The following STARD3 variants were observed in gnomAD, a reference collection of about 807,000 sequenced individuals.
STARD3 encodes StAR related lipid transfer domain containing 3.
Under a neutral mutation model 62.0 loss-of-function variants are expected in STARD3, and 39 were observed. The observed-to-expected ratio is 0.63, with a 90% CI of 0.49 to 0.82. The LOEUF is 0.82. STARD3 is among the 40% of genes least tolerant of loss of function. The pLI, the probability that STARD3 is intolerant of heterozygous loss-of-function variation, is 0.00. For synonymous variants in STARD3, 229 were observed against 242.4 expected (o/e 0.94, Z 0.51); for missense variants, 543 against 584.5 (o/e 0.93, Z 0.73).
intron 5 of STARD3, 168 bp downstream of exon 5, chr17:39,658,194 C>G (rs1029026298): frequency 1.1e-6 from 1 of 894,244 alleles, no homozygotes; most frequent in Admixed American, 2.1e-5. Flanking sequence ...ACCCGCTTCC[C>G]TGACTTAGCC....
At position 39,653,305 on chromosome 17, in the gene STARD3, C is replaced by T. The variant is rs1262748990; in HGVS notation, c.-51-176C>T. The T allele has an allele frequency of 5.0e-6, 3 of 599,094 alleles. No individual in the cohort carries two copies. The South Asian group carries it at 6.0e-5, about 12-fold the overall frequency. 37.1% of individuals were successfully genotyped at this position (599,094 alleles called of 1,614,324 possible). On this transcript the variant is annotated intron_variant, in intron 1 of 14. Transcript: ENST00000336308. ...GAGGACAGATAATTAGCGGAATGCT[C>T]AACCCTGCAGCCTGGGAGCCAGGCT... is the stretch of plus-strand genomic sequence containing the variant.
At chr17:39,653,021 A>C in intron 1 of STARD3, 1 of 170,912 alleles carries the variant, frequency 5.9e-6, no homozygotes, top group East Asian at 1.7e-4. Flanking sequence ...GTGGGAGGGG[A>C]AGACTGGCTG....
At chr17:39,662,578 G>A in intron 14 of STARD3, 1 of 628,330 alleles carries the variant, frequency 1.6e-6, no homozygotes, top group South Asian at 2.0e-5. Flanking sequence ...GAGGAAGGGT[G>A]GCTGGTGGCC....
In STARD3 at chr17:39,660,921, C is replaced by T. The variant is rs372785102; in HGVS notation, c.1034+32C>T. ...CCATGCCGGGCCCCCTCCTTTCAGC[C>T]AGGTCTTCTGCACTTTGGCCTTGGG... On this transcript the variant is annotated intron_variant, in intron 12 of 14. Coordinates refer to ENST00000336308, the MANE Select transcript of STARD3 (RefSeq NM_006804.4). This position sits in a 1 kb window ranked among gnomAD's most constrained non-coding sequence, Gnocchi z 4.8. 3 of 1,607,584 alleles carry T rather than the reference C, an allele frequency of 1.9e-6. No homozygotes were observed. Among genetic ancestry groups the T allele is most frequent in the African/African-American group, 1.3e-5 (1 of 74,942 alleles).
chr17:39,658,208 T>C lies in STARD3; in HGVS notation c.429+182T>C, dbSNP rs748907454. On this transcript the variant is annotated intron_variant, in intron 5 of 14. Coordinates refer to ENST00000336308, the MANE Select transcript of STARD3 (RefSeq NM_006804.4). ...CACCCGCTTCCCTGACTTAGCCCCT[T>C]GCAGCTCTAGGAATCAGAAGGTTCT... The C allele has an allele frequency of 1.4e-5, 12 of 854,624 alleles. No individual in the cohort carries two copies. In the South Asian group the frequency reaches 1.9e-4, roughly 13 times the overall value. The allele number at this position is 854,624 out of a possible 1,614,324, so 52.9% of individuals were successfully genotyped here.
At chr17:39,661,116 G>A in intron 13 of STARD3, 31 bp downstream of exon 13, 7 of 1,602,386 alleles carry the variant, frequency 4.4e-6, no homozygotes, top group Non-Finnish European at 6.0e-6. Context: ...GGTCACCCCT[G>A]CCAGCCCCTC....
In STARD3 at chr17:39,655,532, T is replaced by C. The variant is rs1045446611; in HGVS notation, c.220-1476T>C. ...ATTTGGCTGTGTTGGCTGCGATTGC[T>C]CTGCAGTCCTCATGCGTACCTGGGA... is the stretch of plus-strand genomic sequence containing the variant. On this transcript the variant is annotated intron_variant, in intron 2 of 14. Coordinates refer to ENST00000336308, the MANE Select transcript of STARD3 (RefSeq NM_006804.4). Among the ~76,000 whole-genome samples, 5 of 152,298 alleles carry C rather than the reference T, an allele frequency of 3.3e-5. No homozygotes were observed. In the East Asian group the frequency reaches 5.8e-4, roughly 18 times the overall value.
chr17:39,647,562 C>T (rs1054917858), intron 1 of STARD3, among the ~76,000 whole-genome samples: 2 of 152,194 alleles, frequency 1.3e-5, no homozygotes, highest in African/African-American at 4.8e-5. Flanking sequence ...AGAGAATGAG[C>T]ACTTTGGGGA....
At chr17:39,659,690 C>A in intron 9 of STARD3, 137 bp downstream of exon 9, 1 of 929,068 alleles carries the variant, frequency 1.1e-6, no homozygotes, top group Non-Finnish European at 1.6e-6. Flanking sequence ...GCTGGGCCCT[C>A]GGGTCGGCAG....
At chr17:39,650,949 T>C (rs2057072409) in intron 1 of STARD3, among the ~76,000 whole-genome samples, 1 of 152,160 alleles carries the variant, frequency 6.6e-6, no homozygotes, top group African/African-American at 2.4e-5. Flanking sequence ...GGCAGGGAAA[T>C]GTCACCTGCC....
At chr17:39,661,339 G>T in intron 13 of STARD3, 1 of 532,570 alleles carries the variant, frequency 1.9e-6, no homozygotes, top group Non-Finnish European at 3.4e-6. Flanking sequence ...GGCTGGCTGG[G>T]GTAGACCATG....
intron 1 of STARD3, among the ~76,000 whole-genome samples, chr17:39,643,523 G>T (rs2056998620): frequency 6.6e-6 from 1 of 152,128 alleles, no homozygotes; most frequent in African/African-American, 2.4e-5. Flanking sequence ...TGTGTCTTCT[G>T]CACCAGCCCA....
At chr17:39,642,983 T>TA (rs1384799660) in intron 1 of STARD3, among the ~76,000 whole-genome samples, 2 of 151,964 alleles carry the variant, frequency 1.3e-5, no homozygotes, top group Admixed American at 6.6e-5. Context: ...GGTGGGGACT[T>TA]ACGCCTTTAT....
Position 39,662,285 on chromosome 17 carries a change from A to C in STARD3, c.1174A>C (p.Lys392Gln), listed in dbSNP as rs147486789. The change falls in exon 14 of 15, where the codon AAG (lysine) becomes CAG (glutamine). Residue 392 changes from lysine (K) to glutamine (Q), a missense_variant. Physicochemically the swap from Lys to Gln is moderately conservative, Grantham distance 53. Coordinates refer to ENST00000336308, the MANE Select transcript of STARD3 (RefSeq NM_006804.4). ...ENGPGGFIVL[K>Q]SASNPRVCTF... is the part of the protein sequence containing the mutation. ...TGGCCCTGGGGGCTTCATCGTGCTC[A>C]AGTCGGCCAGTAACCCCCGTGTTTG... 4.3e-6 allele frequency: 7 copies of C among 1,613,860 alleles called. No homozygotes were observed. Among genetic ancestry groups the C allele is most frequent in the Non-Finnish European group, 5.9e-6 (7 of 1,179,952 alleles).
intron 14 of STARD3, 81 bp from the exon 15 acceptor site, chr17:39,662,722 GC>G: frequency 1.5e-6 from 2 of 1,330,112 alleles, no homozygotes; most frequent in African/African-American, 1.5e-5. Flanking sequence ...CTGGCCCAGA[GC>G]CCCCCTGCTG....
rs2057177618 is a variant in STARD3, at chr17:39,660,017, A to C, written c.796-194A>C. The C allele has an allele frequency of 6.6e-6, 4 of 603,326 alleles. No individual in the cohort carries two copies. The highest frequency in any genetic ancestry group is 1.2e-5 in the Non-Finnish European group (4 of 339,968). The allele number at this position is 603,326 out of a possible 1,614,324, so 37.4% of individuals were successfully genotyped here. A position where few individuals can be genotyped will look rare whatever the true frequency, so the allele number is the denominator to read the frequency against. On this transcript the variant is annotated intron_variant, in intron 9 of 14. Coordinates refer to ENST00000336308, the MANE Select transcript of STARD3 (RefSeq NM_006804.4). This position sits in a 1 kb window ranked among gnomAD's most constrained non-coding sequence, Gnocchi z 4.8. The stretch of plus-strand genomic sequence containing the variant: ...TCCCCCCGTCTTTTAACTCGACATC[A>C]AAAGCCTCTCTCCTGCCAGTGCCAT...
chr17:39,649,931 A>C (rs897703791), intron 1 of STARD3, among the ~76,000 whole-genome samples: 11 of 152,082 alleles, frequency 7.2e-5, no homozygotes, highest in African/African-American at 2.2e-4. Flanking sequence ...AAATATAAAA[A>C]GGATAAAGCA....
rs1299526202 is a variant in STARD3, at chr17:39,660,965, A to C, written c.1035-16A>C. ...CCTTGGGTCATTGTCCCCTGAACTA[A>C]CCCTCCCTCCCGCAGGGACTTCGTG... On this transcript the variant is annotated splice_polypyrimidine_tract_variant and intron_variant, in intron 12 of 14. Transcript: ENST00000336308. The surrounding 1 kb of genome is among the most constrained non-coding windows in gnomAD (Gnocchi z 4.8). The C allele has an allele frequency of 6.2e-7, 1 of 1,612,166 alleles. No homozygotes were observed. Among genetic ancestry groups the C allele is most frequent in the Non-Finnish European group, 8.5e-7 (1 of 1,179,452 alleles).
At chr17:39,662,010 C>T (rs921372630) in intron 13 of STARD3, among the ~76,000 whole-genome samples, 3 of 152,002 alleles carry the variant, frequency 2.0e-5, no homozygotes, top group Non-Finnish European at 4.4e-5. Context: ...TGGGGGTGTG[C>T]AAGCACCAAC....
Sources: allele counts gnomAD v4.1 joint callset (sites outside exome capture counted in the v4.1 genomes callset), GRCh38; gene constraint gnomAD v4.1.1; non-coding constraint Gnocchi (gnomAD v3.1); transcripts MANE v1.5; gene names NCBI Gene and HGNC (gene_info 2026-07-23, HGNC 2026-07-21).